Variants in NPIPB7 observed in about 807,000 individuals in gnomAD.
The protein encoded by NPIPB7 is nuclear pore complex-interacting protein family member B7.
For synonymous variants in NPIPB7, 9 were observed against 88.1 expected (o/e 0.10, Z 5.03); for missense variants, 14 against 238.5 (o/e 0.06, Z 6.20).
rs1286370346 is a variant in NPIPB7 at position 28,461,515 on chromosome 16, T to C, written c.545+1159A>G. ...ACATGAAAGACTGTGAAAATGAATC[T>C]GGAGGTGACCCAAGCATTGAATTCA... On this transcript the variant is annotated intron_variant, in intron 4 of 6. Transcript: ENST00000452313. Among the ~76,000 whole-genome samples the C allele has an allele frequency of 2.1e-5, 3 of 140,256 alleles. No individual in the cohort carries two copies. In the East Asian group the frequency reaches 8.1e-4, roughly 38 times the overall value. The allele number at this position is 140,256 out of a possible 152,430, so 92.0% of individuals were successfully genotyped here. A position where few individuals can be genotyped will look rare whatever the true frequency, so the allele number is the denominator to read the frequency against.
chr16:28,464,998 A>C, intron 2 of NPIPB7, among the ~76,000 whole-genome samples: 1 of 98,820 alleles, frequency 1.0e-5, no homozygotes, highest in African/African-American at 4.1e-5. Context: ...GAGAAATGTC[A>C]AACACATGAA....
chr16:28,469,988 A>T (rs931374890), intron 1 of NPIPB7, among the ~76,000 whole-genome samples: 1 of 148,568 alleles, frequency 6.7e-6, no homozygotes, highest in African/African-American at 2.5e-5. Context: ...AAAAAAAAAA[A>T]GTCATCAAAC....
intron 4 of NPIPB7, among the ~76,000 whole-genome samples, chr16:28,461,268 T>C (rs1351781750): frequency 1.6e-5 from 2 of 126,540 alleles, no homozygotes; most frequent in Non-Finnish European, 3.5e-5. Context: ...AGACAGGAAA[T>C]ACCCTGGCCT....
intron 1 of NPIPB7, among the ~76,000 whole-genome samples, chr16:28,467,623 G>A (rs1426793876): frequency 2.7e-5 from 4 of 147,104 alleles, no homozygotes; most frequent in Admixed American, 6.8e-5. Flanking sequence ...TGTCACCCAG[G>A]CTGGAGTGCA....
At chr16:28,470,519 G>C (rs1177099837) in exon 1 of NPIPB7, 2 of 900,602 alleles carry the variant, frequency 2.2e-6, no homozygotes, top group East Asian at 1.1e-4. Flanking sequence ...GAAGGGGACG[G>C]GGACCGGGGC....
chr16:28,465,433 C>T (rs80078976), intron 2 of NPIPB7, among the ~76,000 whole-genome samples: 11,663 of 71,502 alleles, frequency 0.16, no homozygotes, highest in Middle Eastern at 0.39. Context: ...TGCAGTGAGC[C>T]GAGATCACAC....
At position 28,461,878 on chromosome 16, in the gene NPIPB7, GC is replaced by G. The variant is rs1228301852; in HGVS notation, c.545+795del. 8.4e-5 allele frequency among the ~76,000 whole-genome samples: 12 copies of G among 142,666 alleles called. 1 individual carries two copies. The highest frequency in any genetic ancestry group is 2.1e-4 in the Admixed American group (3 of 14,416). The allele number at this position is 142,666 out of a possible 152,430, so 93.6% of individuals were successfully genotyped here. On this transcript the variant is annotated intron_variant, in intron 4 of 6. Transcript: ENST00000452313. ...GATAAGAATCGCTTGAACCTGGGAG[GC>G]GGAGGTTGCAGTGAGCCAAGATCAT...
chr16:28,461,674 G>C (rs1596611157), intron 4 of NPIPB7, among the ~76,000 whole-genome samples: 1 of 150,778 alleles, frequency 6.6e-6, no homozygotes, highest in Non-Finnish European at 1.5e-5. Flanking sequence ...ATTGGGCCAG[G>C]CACGGTGGCT....
intron 4 of NPIPB7, among the ~76,000 whole-genome samples, chr16:28,462,184 C>T (rs1427992019): frequency 6.7e-6 from 1 of 149,938 alleles, no homozygotes; most frequent in Non-Finnish European, 1.5e-5. Flanking sequence ...CTTTGGGAGG[C>T]TGAGGCAGGT....
intron 2 of NPIPB7, among the ~76,000 whole-genome samples, chr16:28,463,754 AG>A (rs1452320250): frequency 6.4e-5 from 8 of 125,054 alleles, no homozygotes; most frequent in Non-Finnish European, 1.2e-4. Flanking sequence ...AAAAAAAAAT[AG>A]CCCAGGTGCG....
chr16:28,469,990 T>G (rs866465531), intron 1 of NPIPB7, among the ~76,000 whole-genome samples: 1,045 of 129,606 alleles, frequency 8.1e-3, no homozygotes, highest in Non-Finnish European at 0.01. Flanking sequence ...AAAAAAAAAG[T>G]CATCAAACCA....
intron 2 of NPIPB7, among the ~76,000 whole-genome samples, chr16:28,464,489 G>A (rs1285077468): frequency 1.3e-5 from 2 of 151,818 alleles, no homozygotes; most frequent in Non-Finnish European, 2.9e-5. Context: ...TCCTGAGGTA[G>A]TCATTGAAAT....
intron 4 of NPIPB7, among the ~76,000 whole-genome samples, chr16:28,461,947 C>CAAAAAAA (rs56100146): frequency 1.1e-5 from 1 of 90,456 alleles, no homozygotes. Context: ...GACTCTGTCT[C>CAAAAAAA]AAAAAAAAAA....
At chr16:28,463,387 TCTCACACA>T (rs1278225023) in intron 2 of NPIPB7, among the ~76,000 whole-genome samples, 2,565 of 76,956 alleles carry the variant, frequency 0.033, 9 homozygotes, top group Admixed American at 0.049. Context: ...TGAGACTCTG[TCTCACACA>T]CACACACACA....
At chr16:28,461,916 C>A (rs1277917568) in intron 4 of NPIPB7, among the ~76,000 whole-genome samples, 1 of 134,908 alleles carries the variant, frequency 7.4e-6, no homozygotes, top group Non-Finnish European at 1.5e-5. Context: ...CCACTGCACT[C>A]TAGCCTGGGT....
chr16:28,461,987 G>C (rs1305659831), intron 4 of NPIPB7, among the ~76,000 whole-genome samples: 2 of 147,594 alleles, frequency 1.4e-5, no homozygotes, highest in East Asian at 2.0e-4. Context: ...GAATGTGGTG[G>C]CACACACCTG....
At chr16:28,471,407 A>T (rs367573016), upstream of NPIPB7, among the ~76,000 whole-genome samples, 55 of 106,916 alleles carry the variant, frequency 5.1e-4, no homozygotes, top group African/African-American at 1.1e-3. Context: ...ATTTTAAGCA[A>T]GCATGGTACA....
intron 4 of NPIPB7, among the ~76,000 whole-genome samples, chr16:28,461,530 C>CA (rs1384598536): frequency 1.4e-5 from 2 of 140,120 alleles, no homozygotes; most frequent in African/African-American, 5.4e-5. Flanking sequence ...GTGACCCAAG[C>CA]ATTGAATTCA....
upstream of NPIPB7, chr16:28,470,604 G>T (rs2045941552): frequency 2.2e-5 from 1 of 45,468 alleles, no homozygotes. Context: ...GGGAGGGGAA[G>T]GGGAAGGGGA....
Sources: allele counts gnomAD v4.1 joint callset (sites outside exome capture counted in the v4.1 genomes callset), GRCh38; gene constraint gnomAD v4.1.1; transcripts MANE v1.5; gene names NCBI Gene and HGNC (gene_info 2026-07-23, HGNC 2026-07-21).